The following PRRT1B variants were observed in gnomAD, a reference collection of about 807,000 sequenced individuals.
PRRT1B encodes the protein proline rich transmembrane protein 1B, also known as dispanin subfamily D member 2.
chr9:131,550,572 A>G (rs1392678474), intron 1 of PRRT1B, among the ~76,000 whole-genome samples: 1 of 151,984 alleles, frequency 6.6e-6, no homozygotes, highest in East Asian at 1.9e-4. Flanking sequence ...CCAAACCCCA[A>G]TCCCTTCTAT....
chr9:131,550,328 T>G (rs369457675), intron 1 of PRRT1B, among the ~76,000 whole-genome samples: 3 of 152,148 alleles, frequency 2.0e-5, no homozygotes, highest in African/African-American at 7.2e-5. Flanking sequence ...CAAACATGCT[T>G]TCTTTACTAT....
rs115624598 is a variant in PRRT1B, at chr9:131,548,288, C to T, written c.25+2648C>T. 3.7e-3 allele frequency among the ~76,000 whole-genome samples: 566 copies of T among 152,126 alleles called. 1 individual carries two copies. The highest frequency in any genetic ancestry group is 0.013 in the African/African-American group (530 of 41,504). Reference sequence around the variant, plus strand: ...CCGTATCTCTACCCTTCTTTTTAAACTTGTCTCCTTCACTATGGGCAACCT... The same window carrying T: ...CCGTATCTCTACCCTTCTTTTTAAATTTGTCTCCTTCACTATGGGCAACCT... On this transcript the variant is annotated intron_variant, in intron 1 of 3. Coordinates refer to ENST00000636672, the Ensembl canonical transcript of PRRT1B.
intron 1 of PRRT1B, among the ~76,000 whole-genome samples, chr9:131,554,076 A>G (rs1200938347): frequency 6.6e-6 from 1 of 152,000 alleles, no homozygotes; most frequent in East Asian, 1.9e-4. Context: ...TACTCTAGCT[A>G]CAGTTTGGCA....
At position 131,551,393 on chromosome 9, in the gene PRRT1B, G is replaced by A. The variant is rs922432286; in HGVS notation, c.26-3164G>A. ...CTCTCCCACTCTAGGTTCCCACGCC[G>A]CCCCTAATCTCGCTTGAAGCAGCCC... is the stretch of plus-strand genomic sequence containing the variant. On this transcript the variant is annotated intron_variant, in intron 1 of 3. Coordinates refer to ENST00000636672, the Ensembl canonical transcript of PRRT1B. The surrounding 1 kb of genome is among the most constrained non-coding windows in gnomAD (Gnocchi z 4.4). Among the ~76,000 whole-genome samples, 6 of 151,806 alleles carry A rather than the reference G, an allele frequency of 4.0e-5. No individual in the cohort carries two copies. Among genetic ancestry groups the A allele is most frequent in the African/African-American group, 7.3e-5 (3 of 41,300 alleles).
exon 4 of PRRT1B, chr9:131,558,364 T>C (rs941072005): frequency 3.8e-5 from 15 of 395,824 alleles, no homozygotes; most frequent in Non-Finnish European, 4.9e-5. Flanking sequence ...TCAACTGACT[T>C]GTGGCTGGGC....
At chr9:131,555,425 C>T (rs184119562) in intron 2 of PRRT1B, among the ~76,000 whole-genome samples, 77 of 152,234 alleles carry the variant, frequency 5.1e-4, no homozygotes, top group African/African-American at 1.8e-3. Context: ...CCTGTAATCC[C>T]AGCACTTTGG....
intron 2 of PRRT1B, 55 bp downstream of exon 2, chr9:131,555,084 G>A (rs1038613184): frequency 4.4e-6 from 1 of 228,360 alleles, no homozygotes; most frequent in Non-Finnish European, 7.2e-6. Flanking sequence ...CGCGTGGTCG[G>A]GGGCGCCCGT....
At chr9:131,554,889 C>T in exon 2 of PRRT1B, 1 of 382,552 alleles carries the variant, frequency 2.6e-6, no homozygotes. Context: ...GCTGCTGTAC[C>T]CGCCCTTCCC....
intron 1 of PRRT1B, among the ~76,000 whole-genome samples, chr9:131,549,026 G>A (rs867632939): frequency 1.3e-5 from 2 of 152,102 alleles, no homozygotes; most frequent in African/African-American, 2.4e-5. Context: ...GGCAGCAACT[G>A]TGAGATGCTT....
intron 3 of PRRT1B, among the ~76,000 whole-genome samples, chr9:131,557,086 C>T (rs1371043549): frequency 6.6e-6 from 1 of 152,028 alleles, no homozygotes; most frequent in African/African-American, 2.4e-5. Flanking sequence ...ATCCATCCAT[C>T]CCTCTATTCA....
intron 1 of PRRT1B, among the ~76,000 whole-genome samples, chr9:131,547,690 C>G (rs540692810): frequency 6.6e-6 from 1 of 152,302 alleles, no homozygotes; most frequent in East Asian, 1.9e-4. Flanking sequence ...CTGCTCTTTG[C>G]TCCGTGAGAA....
chr9:131,555,125 G>C (rs1951040511), intron 2 of PRRT1B, 96 bp downstream of exon 2: 1 of 66,430 alleles, frequency 1.5e-5, no homozygotes. Context: ...TCTGTCCCTG[G>C]GGGCGGGCGA....
At position 131,546,256 on chromosome 9, in the gene PRRT1B, C is replaced by T. The variant is rs913080304; in HGVS notation, c.25+616C>T. ...AGGGAGCACGACCTGGGAAGAGACC[C>T]CACGGGCTAATTCGGGGACGGAGAG... On this transcript the variant is annotated intron_variant, in intron 1 of 3. Coordinates refer to ENST00000636672, the Ensembl canonical transcript of PRRT1B. 8.5e-5 allele frequency among the ~76,000 whole-genome samples: 13 copies of T among 152,108 alleles called. No homozygotes were observed. The East Asian group carries it at 2.3e-3, about 27-fold the overall frequency.
intron 1 of PRRT1B, among the ~76,000 whole-genome samples, chr9:131,547,511 G>A (rs4740270): frequency 2.0e-5 from 3 of 152,200 alleles, no homozygotes; most frequent in Admixed American, 1.3e-4. Context: ...CCCACCCCAT[G>A]TCCCTTCGCT....
chr9:131,557,540 G>GA (rs1326192663), intron 3 of PRRT1B, among the ~76,000 whole-genome samples: 1 of 152,092 alleles, frequency 6.6e-6, no homozygotes, highest in Non-Finnish European at 1.5e-5. Context: ...TCTGTCTCAA[G>GA]AAAAAAACAA....
At chr9:131,546,501 AG>A (rs1342026696) in intron 1 of PRRT1B, among the ~76,000 whole-genome samples, 3 of 151,812 alleles carry the variant, frequency 2.0e-5, no homozygotes, top group Admixed American at 1.3e-4. Context: ...ACCCCTGCAG[AG>A]TCTCGCGCAC....
rs1169362278 is a variant in PRRT1B, at chr9:131,551,832, C to G, written c.26-2725C>G. ...TAAGACGGCCCACCCCATCTCCCTT[C>G]GCTGACTCTCTTTTTGGACTCAGCC... is the stretch of plus-strand genomic sequence containing the variant. On this transcript the variant is annotated intron_variant, in intron 1 of 3. Transcript: ENST00000636672. The surrounding 1 kb of genome is among the most constrained non-coding windows in gnomAD (Gnocchi z 4.4). Among the ~76,000 whole-genome samples, 1 of 151,252 alleles carries G rather than the reference C, an allele frequency of 6.6e-6. No individual in the cohort carries two copies. Among genetic ancestry groups the G allele is most frequent in the East Asian group, 1.9e-4 (1 of 5,138 alleles).
At chr9:131,552,092 C>G (rs937403767) in intron 1 of PRRT1B, among the ~76,000 whole-genome samples, 6 of 152,208 alleles carry the variant, frequency 3.9e-5, no homozygotes, top group Non-Finnish European at 8.8e-5. Flanking sequence ...CGCATCCAGC[C>G]ATGTTCGCCT....
intron 1 of PRRT1B, 70 bp downstream of exon 1, chr9:131,545,710 A>AGGCAGGTACTGGAGG: frequency 3.1e-6 from 1 of 322,206 alleles, no homozygotes. Context: ...GGTACTGGCG[A>AGGCAGGTACTGGAGG]GGCAGGTACT....
Sources: gnomAD v4.1 joint callset for allele counts (sites outside exome capture counted in the v4.1 genomes callset) on GRCh38, gnomAD v4.1.1 for gene constraint, Gnocchi (gnomAD v3.1) non-coding constraint, MANE v1.5 for transcripts, NCBI Gene and HGNC (gene_info 2026-07-23, HGNC 2026-07-21) for gene names.